The following SLC25A38 variants were observed in gnomAD, a reference collection of about 807,000 sequenced individuals.
The protein encoded by SLC25A38 is solute carrier family 25 member 38.
In SLC25A38, 27 loss-of-function variants were observed where a neutral mutation model predicts 33.4. That is an observed-to-expected ratio of 0.81 (90% CI 0.60 to 1.11). The LOEUF (loss-of-function observed/expected upper bound fraction) is 1.11, where lower values mean the gene tolerates loss of function less well. SLC25A38 is among the 50% of genes most tolerant of loss of function. The probability of loss-of-function intolerance (pLI) is 0.00; values close to 1 mark genes in which losing one functional copy is unlikely to be tolerated. For missense variants in SLC25A38, 344 were observed against 388.8 expected (o/e 0.88, Z 0.97); for synonymous variants, 123 against 145.9 (o/e 0.84, Z 1.13).
In SLC25A38 at chr3:39,396,395, T is replaced by C. The variant is rs779737305; in HGVS notation, c.793-3T>C. ...AGAGTTCTGACATTTATTTTCACCA[T>C]AGGACTATGGACTACGTGGCTTCTT... On this transcript the variant is annotated splice_region_variant and splice_polypyrimidine_tract_variant and intron_variant, in intron 6 of 6. Transcript: ENST00000650617. The C allele has an allele frequency of 2.2e-5, 35 of 1,613,958 alleles. No homozygotes were observed. Among genetic ancestry groups the C allele is most frequent in the South Asian group, 1.1e-4 (10 of 91,076 alleles).
chr3:39,383,604 C>A lies in SLC25A38; in HGVS notation c.-121C>A, dbSNP rs1466172206. On this transcript the variant is annotated 5_prime_UTR_variant, in exon 1 of 7. Coordinates refer to ENST00000650617, the MANE Select transcript of SLC25A38 (RefSeq NM_017875.4). The stretch of plus-strand genomic sequence containing the variant: ...ATAGGCGCAGACGTCAGAGAGCCCG[C>A]GGCTTAAAGCGCGTCGCCTGGCTAG... 2 of 1,135,144 alleles carry A rather than the reference C, an allele frequency of 1.8e-6. No individual in the cohort carries two copies. Among genetic ancestry groups the A allele is most frequent in the African/African-American group, 1.5e-5 (1 of 64,658 alleles). The allele number at this position is 1,135,144 out of a possible 1,614,324, so 70.3% of individuals were successfully genotyped here. A position where few individuals can be genotyped will look rare whatever the true frequency, so the allele number is the denominator to read the frequency against.
intron 1 of SLC25A38, among the ~76,000 whole-genome samples, chr3:39,386,750 C>T (rs11129823): frequency 0.27 from 40,581 of 152,014 alleles, 5,974 homozygotes; most frequent in Non-Finnish European, 0.32. Context: ...ATAGAGTGAA[C>T]AAGTGTGGAG....
rs889060588 is a variant in SLC25A38 at position 39,390,272 on chromosome 3, G to A, written c.192-151G>A. On this transcript the variant is annotated intron_variant, in intron 2 of 6. Coordinates refer to ENST00000650617, the MANE Select transcript of SLC25A38 (RefSeq NM_017875.4). Reference sequence around the variant, plus strand: ...GTCTGTTTTGTGTGTGCCAACCTACGAACACATAGAGTATCTCCAAGGTGC... The same window carrying A: ...GTCTGTTTTGTGTGTGCCAACCTACAAACACATAGAGTATCTCCAAGGTGC... 1.5e-4 allele frequency: 123 copies of A among 796,240 alleles called. No individual in the cohort carries two copies. In the African/African-American group the frequency reaches 1.8e-3, roughly 12 times the overall value. 49.3% of individuals were successfully genotyped at this position (796,240 alleles called of 1,614,324 possible). A position where few individuals can be genotyped will look rare whatever the true frequency, so the allele number is the denominator to read the frequency against.
At chr3:39,395,844 T>C (rs36075304) in intron 6 of SLC25A38, among the ~76,000 whole-genome samples, 40,486 of 150,190 alleles carry the variant, frequency 0.27, 5,976 homozygotes, top group Non-Finnish European at 0.32. Context: ...CAACCCTGCA[T>C]AAAGACTTTC....
intron 6 of SLC25A38, 125 bp downstream of exon 6, chr3:39,394,701 T>A: frequency 1.8e-6 from 2 of 1,132,232 alleles, no homozygotes; most frequent in Non-Finnish European, 2.5e-6. Flanking sequence ...ATGCCCAGGT[T>A]AAAATCTAGG....
In SLC25A38 at chr3:39,389,845, T is replaced by C. The variant is rs1388175278; in HGVS notation, c.191+229T>C. ...GAATCGGCTCAGTGACATTTACACT[T>C]TATTGTGTTAGCTTGTGATGTTATA... On this transcript the variant is annotated intron_variant, in intron 2 of 6. Coordinates refer to ENST00000650617, the MANE Select transcript of SLC25A38 (RefSeq NM_017875.4). This position sits in a 1 kb window ranked among gnomAD's most constrained non-coding sequence, Gnocchi z 4.5. 6.6e-6 allele frequency among the ~76,000 whole-genome samples: 1 copy of C among 152,192 alleles called. No individual in the cohort carries two copies.
At position 39,392,033 on chromosome 3, in the gene SLC25A38, G is replaced by A. The variant is rs2041777286; in HGVS notation, c.625+12G>A. Reference sequence around the variant, plus strand: ...TATAGTGCCTCATGGTAGGGATAAAGGAAGATCTGGGGAAGAGCTATCCTT... The same window carrying A: ...TATAGTGCCTCATGGTAGGGATAAAAGAAGATCTGGGGAAGAGCTATCCTT... On this transcript the variant is annotated intron_variant, in intron 5 of 6. Coordinates refer to ENST00000650617, the MANE Select transcript of SLC25A38 (RefSeq NM_017875.4). The A allele has an allele frequency of 6.2e-7, 1 of 1,614,124 alleles. No individual in the cohort carries two copies. The highest frequency in any genetic ancestry group is 2.2e-5 in the East Asian group (1 of 44,882).
At chr3:39,395,921 T>A (rs11129825) in intron 6 of SLC25A38, among the ~76,000 whole-genome samples, 133,698 of 149,894 alleles carry the variant, frequency 0.89, 61,089 homozygotes, top group Non-Finnish European at 0.99. Flanking sequence ...AAAAAAAAAA[T>A]GGTTTTTGGC....
At chr3:39,395,680 A>G (rs2041819952) in intron 6 of SLC25A38, among the ~76,000 whole-genome samples, 2 of 151,964 alleles carry the variant, frequency 1.3e-5, no homozygotes, top group African/African-American at 4.8e-5. Context: ...GCATACAGTG[A>G]ATTACAAAAA....
intron 6 of SLC25A38, among the ~76,000 whole-genome samples, chr3:39,395,700 A>G (rs1327013116): frequency 6.6e-6 from 1 of 151,848 alleles, no homozygotes; most frequent in Admixed American, 6.6e-5. Flanking sequence ...AGATAAGACA[A>G]ATGACAAGAA....
chr3:39,384,803 C>CTTTTTT (rs67136154), intron 1 of SLC25A38: 1 of 325,308 alleles, frequency 3.1e-6, no homozygotes, highest in Non-Finnish European at 5.4e-6. Flanking sequence ...TTTCTTTTTT[C>CTTTTTT]TTTTTTTTTT....
At chr3:39,383,915 G>A in intron 1 of SLC25A38, 122 bp downstream of exon 1, 1 of 1,104,590 alleles carries the variant, frequency 9.1e-7, no homozygotes, top group South Asian at 1.3e-5. Flanking sequence ...CAGGATTTAG[G>A]ATGCGGCGGG....
At chr3:39,393,455 C>G (rs1361923368) in intron 5 of SLC25A38, among the ~76,000 whole-genome samples, 1 of 152,150 alleles carries the variant, frequency 6.6e-6, no homozygotes, top group Non-Finnish European at 1.5e-5. Context: ...ATAAGGACAT[C>G]CTGTCATATA....
intron 6 of SLC25A38, 140 bp downstream of exon 6, chr3:39,394,716 C>G: frequency 1.0e-6 from 1 of 969,414 alleles, no homozygotes; most frequent in Non-Finnish European, 1.5e-6. Flanking sequence ...TCTAGGCCAA[C>G]TATATCAGAA....
chr3:39,392,085 C>G, intron 5 of SLC25A38, 64 bp downstream of exon 5: 13 of 1,593,554 alleles, frequency 8.2e-6, no homozygotes, highest in Non-Finnish European at 1.1e-5. Context: ...ACCATTTTCT[C>G]TGGGATATGA....
At chr3:39,395,928 T>G (rs2041823135) in intron 6 of SLC25A38, among the ~76,000 whole-genome samples, 1 of 151,806 alleles carries the variant, frequency 6.6e-6, no homozygotes, top group Non-Finnish European at 1.5e-5. Context: ...AAATGGTTTT[T>G]GGCCAAGCGC....
intron 5 of SLC25A38, among the ~76,000 whole-genome samples, chr3:39,393,289 G>T (rs993873844): frequency 6.6e-6 from 1 of 151,148 alleles, no homozygotes; most frequent in East Asian, 1.9e-4. Context: ...GTGAGACTCC[G>T]TCTCAAAAAA....
intron 6 of SLC25A38, 72 bp from the exon 7 acceptor site, chr3:39,396,326 T>G (rs763943083): frequency 6.2e-7 from 1 of 1,607,006 alleles, no homozygotes; most frequent in Non-Finnish European, 8.5e-7. Flanking sequence ...AGACCCTCAC[T>G]GTGGTACCAA....
chr3:39,387,417 A>G (rs545229974), intron 1 of SLC25A38, among the ~76,000 whole-genome samples: 1 of 152,248 alleles, frequency 6.6e-6, no homozygotes, highest in East Asian at 1.9e-4. Context: ...TGCAGAGGTC[A>G]TTAGGATGGA....
Sources: allele counts gnomAD v4.1 joint callset (sites outside exome capture counted in the v4.1 genomes callset), GRCh38; gene constraint gnomAD v4.1.1; non-coding constraint Gnocchi (gnomAD v3.1); transcripts MANE v1.5; gene names NCBI Gene and HGNC (gene_info 2026-07-23, HGNC 2026-07-21).